Variants in SDK1 observed in about 807,000 individuals in gnomAD.
The protein encoded by SDK1 is protein sidekick-1.
A neutral mutation model predicts 245.5 loss-of-function variants in SDK1; 157 were observed. The observed-to-expected ratio is 0.64, with a 90% confidence interval of 0.56 to 0.73. SDK1 has a LOEUF of 0.73. Ranked by LOEUF, SDK1 falls within the 30% of genes least tolerant of loss-of-function variation. The pLI is 0.00. For missense variants in SDK1, 3,583 were observed against 3,002.3 expected, an observed-to-expected ratio of 1.19 and a Z score of -4.52; for synonymous variants, 1,647 against 1,278.5, an observed-to-expected ratio of 1.29 and a Z score of -6.15.
At chr7:3,908,444 A>C (rs1028226590) in intron 5 of SDK1, among the ~76,000 whole-genome samples, 4 of 152,032 alleles carry the variant, frequency 2.6e-5, no homozygotes, top group Non-Finnish European at 5.9e-5. Flanking sequence ...CCAGATGCTC[A>C]CCCGCAGTCC....
chr7:3,625,255 C>T (rs960026087), intron 2 of SDK1, among the ~76,000 whole-genome samples: 6 of 152,120 alleles, frequency 3.9e-5, no homozygotes, highest in Non-Finnish European at 5.9e-5. Context: ...CATTGAGAAA[C>T]TTCATCAGAA....
rs193155977 is a variant in SDK1 at position 4,216,653 on chromosome 7, T to G, written c.5540-3456T>G. On this transcript the variant is annotated intron_variant, in intron 38 of 44. Coordinates refer to ENST00000404826, the MANE Select transcript of SDK1 (RefSeq NM_152744.4). Reference sequence around the variant, plus strand: ...AAAATATTTTAAAATATGGTAAAGATAGTTAAAAAGTAAACAGTGATCTCA... The same window carrying G: ...AAAATATTTTAAAATATGGTAAAGAGAGTTAAAAAGTAAACAGTGATCTCA... Among the ~76,000 whole-genome samples the G allele has an allele frequency of 1.2e-4, 18 of 152,312 alleles. No homozygotes were observed. The East Asian group carries it at 3.3e-3, about 28-fold the overall frequency.
intron 22 of SDK1, among the ~76,000 whole-genome samples, chr7:4,083,546 C>CTCCCTTCA (rs1554335126): frequency 7.8e-4 from 73 of 93,166 alleles, no homozygotes; most frequent in African/African-American, 2.8e-3. Context: ...CCCTCCCTCC[C>CTCCCTTCA]TCCCTCCCTC....
At chr7:3,836,693 G>T (rs79267204) in intron 5 of SDK1, among the ~76,000 whole-genome samples, 1 of 152,194 alleles carries the variant, frequency 6.6e-6, no homozygotes, top group African/African-American at 2.4e-5. Context: ...AAAAACATCT[G>T]CCCCTCACAT....
chr7:4,209,450 A>G (rs996897813), intron 37 of SDK1, among the ~76,000 whole-genome samples: 1 of 152,106 alleles, frequency 6.6e-6, no homozygotes, highest in Non-Finnish European at 1.5e-5. Flanking sequence ...GCTCCACATC[A>G]CCCCGGCCAC....
At chr7:4,058,559 A>G (rs1779339011) in intron 19 of SDK1, among the ~76,000 whole-genome samples, 1 of 152,232 alleles carries the variant, frequency 6.6e-6, no homozygotes, top group African/African-American at 2.4e-5. Flanking sequence ...TTGTAGTCAA[A>G]TTATCAAAAG....
chr7:4,219,527 C>G (rs573975663), intron 38 of SDK1, among the ~76,000 whole-genome samples: 3 of 152,146 alleles, frequency 2.0e-5, no homozygotes, highest in Admixed American at 2.0e-4. Flanking sequence ...TCTCATGAGA[C>G]GTATTCACTA....
At chr7:4,177,194 G>A (rs78137811) in intron 34 of SDK1, among the ~76,000 whole-genome samples, 7,157 of 152,246 alleles carry the variant, frequency 0.047, 233 homozygotes, top group Non-Finnish European at 0.066. Context: ...AAGGACGGGC[G>A]CCTGAGTCAC....
intron 1 of SDK1, among the ~76,000 whole-genome samples, chr7:3,581,706 T>C (rs943042005): frequency 6.6e-6 from 1 of 152,192 alleles, no homozygotes; most frequent in Non-Finnish European, 1.5e-5. Flanking sequence ...TGGATATTCA[T>C]TGCAGCAGTA....
chr7:3,393,211 A>C (rs1445507059), intron 1 of SDK1, among the ~76,000 whole-genome samples: 1 of 151,914 alleles, frequency 6.6e-6, no homozygotes, highest in African/African-American at 2.4e-5. Context: ...ACCTCAGGTG[A>C]TCCACCTACC....
intron 1 of SDK1, among the ~76,000 whole-genome samples, chr7:3,422,918 A>T (rs534292097): frequency 6.6e-6 from 1 of 152,318 alleles, no homozygotes; most frequent in East Asian, 1.9e-4. Flanking sequence ...TAATATTGTT[A>T]CCTCATTTTA....
chr7:3,713,317 T>C (rs1406296043), intron 4 of SDK1, among the ~76,000 whole-genome samples: 3 of 152,212 alleles, frequency 2.0e-5, no homozygotes, highest in African/African-American at 7.2e-5. Flanking sequence ...ATTGGGGTTG[T>C]TTGTCTTTCC....
chr7:4,040,210 T>G (rs528981087), intron 17 of SDK1, among the ~76,000 whole-genome samples: 8 of 152,178 alleles, frequency 5.3e-5, no homozygotes, highest in Non-Finnish European at 8.8e-5. Flanking sequence ...ACGCCAGAGC[T>G]GAATCTGATT....
chr7:4,095,856 G>A (rs569387133), intron 22 of SDK1, among the ~76,000 whole-genome samples: 1 of 152,346 alleles, frequency 6.6e-6, no homozygotes, highest in East Asian at 1.9e-4. Flanking sequence ...TTACAGGTGT[G>A]AGCCACCACG....
At chr7:4,117,223 T>C (rs1783771510) in intron 25 of SDK1, among the ~76,000 whole-genome samples, 1 of 152,194 alleles carries the variant, frequency 6.6e-6, no homozygotes, top group African/African-American at 2.4e-5. Flanking sequence ...ATCCCAGCAC[T>C]TTGGGAAGCT....
chr7:3,708,116 G>C (rs992702876), intron 4 of SDK1, among the ~76,000 whole-genome samples: 1 of 152,188 alleles, frequency 6.6e-6, no homozygotes, highest in South Asian at 2.1e-4. Context: ...AAGGCAAAGA[G>C]GAGCAGGCAC....
chr7:3,805,825 C>G (rs969173966), intron 4 of SDK1, among the ~76,000 whole-genome samples: 2 of 152,204 alleles, frequency 1.3e-5, no homozygotes, highest in South Asian at 4.1e-4. Flanking sequence ...CATTAGTGAT[C>G]TGTCAAAGAA....
intron 30 of SDK1, among the ~76,000 whole-genome samples, chr7:4,158,057 C>T (rs1012410361): frequency 9.2e-5 from 14 of 152,136 alleles, no homozygotes; most frequent in East Asian, 1.9e-4. Context: ...AGTGATGTGC[C>T]GACTAGAGTG....
At chr7:3,649,438 C>T (rs551168720) in intron 4 of SDK1, among the ~76,000 whole-genome samples, 1 of 151,874 alleles carries the variant, frequency 6.6e-6, no homozygotes, top group African/African-American at 2.4e-5. Context: ...GCAGCTCTGC[C>T]CTCCTGCTTG....
Sources: gnomAD v4.1 joint callset for allele counts (sites outside exome capture counted in the v4.1 genomes callset) on GRCh38, gnomAD v4.1.1 for gene constraint, MANE v1.5 for transcripts, NCBI Gene and HGNC (gene_info 2026-07-23, HGNC 2026-07-21) for gene names.